OGT: variants seen among roughly 807,000 people sequenced by gnomAD.
OGT encodes the protein UDP-N-acetylglucosamine--peptide N-acetylglucosaminyltransferase 110 kDa subunit.
A neutral mutation model predicts 75.8 loss-of-function variants in OGT; 3 were observed. The ratio of observed to expected loss-of-function variants is 0.04; its 90% CI spans 0.02 to 0.10. The LOEUF (loss-of-function observed/expected upper bound fraction) is 0.10. Among genes scored for constraint, OGT ranks in the 10% least tolerant of loss-of-function variants. OGT has a pLI of 1.00. For synonymous variants in OGT, 257 were observed against 289.7 expected, an observed-to-expected ratio of 0.89 and a Z score of 1.15; for missense variants, 260 against 824.4, an observed-to-expected ratio of 0.32 and a Z score of 8.38.
chrX:71,567,413 G>A (rs189387702), intron 19 of OGT, 87 bp from the exon 20 acceptor site: 26 of 791,415 alleles, frequency 3.3e-5, no homozygotes, highest in Admixed American at 6.4e-5. Context: ...AGAATAGAGT[G>A]TGGTAGAATT....
chrX:71,554,481 C>G (rs770713558), intron 5 of OGT, 32 bp from the exon 6 acceptor site: 1 of 1,076,063 alleles, frequency 9.3e-7, no homozygotes, highest in Non-Finnish European at 1.3e-6. Context: ...TCCTAACTTG[C>G]TCTGAGTAAC....
chrX:71,573,750 C>G lies in OGT; in HGVS notation c.3097C>G (p.Pro1033Ala). ...MWEHYAAGNKPDHMIKPVEVT... is the reference protein window; with the variant it reads ...MWEHYAAGNKADHMIKPVEVT... ...GGAGCATTATGCAGCTGGCAACAAACCTGACCACATGATTAAGCCTGTTGA... is the reference window on the plus strand; with the variant it reads ...GGAGCATTATGCAGCTGGCAACAAAGCTGACCACATGATTAAGCCTGTTGA... Residue 1033 changes from proline to alanine, a missense_variant, in exon 22 of 22, where the codon CCT (proline) becomes GCT (alanine). Coordinates refer to ENST00000373719, the MANE Select transcript of OGT (RefSeq NM_181672.3). 1 of 1,208,430 alleles carries G rather than the reference C, an allele frequency of 8.3e-7. No homozygotes were observed. The highest frequency in any genetic ancestry group is 1.7e-5 in the African/African-American group (1 of 57,679).
At chrX:71,556,392 A>G in intron 8 of OGT, 1 of 366,251 alleles carries the variant, frequency 2.7e-6, no homozygotes, top group Non-Finnish European at 4.7e-6. Flanking sequence ...TGATGGCTGT[A>G]TGGTAGTGGT....
intron 3 of OGT, among the ~76,000 whole-genome samples, chrX:71,543,501 C>G (rs1326108605): frequency 9.0e-6 from 1 of 110,702 alleles, no homozygotes; most frequent in East Asian, 2.8e-4. Context: ...GCACTTAATA[C>G]TAATGAGTAA....
intron 5 of OGT, among the ~76,000 whole-genome samples, chrX:71,550,407 G>A (rs899904426): frequency 9.0e-6 from 1 of 110,659 alleles, no homozygotes; most frequent in African/African-American, 3.3e-5. Flanking sequence ...TTTTTGAGAT[G>A]AGGTCCTGCT....
At chrX:71,555,512 AG>A in intron 7 of OGT, 127 bp downstream of exon 7, 1 of 610,681 alleles carries the variant, frequency 1.6e-6, no homozygotes, top group Non-Finnish European at 2.5e-6. Flanking sequence ...GCTTGAGCTT[AG>A]GGTTTCGAGA....
intron 2 of OGT, 126 bp downstream of exon 2, chrX:71,536,484 T>C (rs2040176455): frequency 4.1e-6 from 2 of 493,717 alleles, no homozygotes; most frequent in African/African-American, 5.0e-5. Context: ...CCAACGCACA[T>C]CTGCTCTCTT....
intron 2 of OGT, chrX:71,536,962 GTTTTTT>G: frequency 1.6e-4 from 19 of 122,442 alleles, no homozygotes; most frequent in Non-Finnish European, 2.4e-4. Context: ...AATGTGGTGG[GTTTTTT>G]TTTTTTTTTT....
intron 4 of OGT, chrX:71,547,007 T>C (rs2040264405): frequency 1.5e-5 from 11 of 754,884 alleles, no homozygotes; most frequent in Non-Finnish European, 1.6e-5. Flanking sequence ...TGGTTGGCCG[T>C]TTGCTGCGTC....
chrX:71,557,936 A>G (rs185218647), intron 12 of OGT, among the ~76,000 whole-genome samples: 14 of 108,458 alleles, frequency 1.3e-4, no homozygotes, highest in African/African-American at 4.0e-4. Context: ...GAAAGCCATA[A>G]TTTTTTTTTC....
intron 5 of OGT, among the ~76,000 whole-genome samples, chrX:71,552,244 A>C (rs1282967406): frequency 9.1e-6 from 1 of 110,485 alleles, no homozygotes; most frequent in African/African-American, 3.3e-5. Flanking sequence ...ATAAATAATG[A>C]GTGACACTCC....
intron 7 of OGT, chrX:71,555,663 C>T: frequency 7.6e-6 from 3 of 397,003 alleles, no homozygotes; most frequent in Non-Finnish European, 1.3e-5. Flanking sequence ...GTTGAGGCTG[C>T]AGTGGGCCAT....
rs984739891 is a variant in OGT, at chrX:71,573,536, A to G, written c.2967-84A>G. 52 of 891,053 alleles carry G rather than the reference A, an allele frequency of 5.8e-5. No individual in the cohort carries two copies. In the African/African-American group the frequency reaches 8.5e-4, roughly 14 times the overall value. The allele number at this position is 891,053 out of a possible 1,213,427, so 73.4% of individuals were successfully genotyped here. ...AGAGTTTGGTCATGCATTTTTTGCC[A>G]CAAATGCGACTAGGTATTTATAGGG... On this transcript the variant is annotated intron_variant, in intron 21 of 21. Coordinates refer to ENST00000373719, the MANE Select transcript of OGT (RefSeq NM_181672.3).
At chrX:71,550,922 G>A (rs1399646429) in intron 5 of OGT, among the ~76,000 whole-genome samples, 1 of 111,040 alleles carries the variant, frequency 9.0e-6, no homozygotes, top group Non-Finnish European at 1.9e-5. Context: ...TGGGGAAAAG[G>A]GAGATATTGA....
chrX:71,547,120 T>G (rs751373490), intron 4 of OGT: 5 of 754,767 alleles, frequency 6.6e-6, no homozygotes, highest in Non-Finnish European at 7.8e-6. Flanking sequence ...GACCTCAACC[T>G]AGGTGCAATC....
chrX:71,573,373 A>T (rs989032330), intron 21 of OGT, among the ~76,000 whole-genome samples: 2 of 112,307 alleles, frequency 1.8e-5, no homozygotes, highest in Admixed American at 1.9e-4. Context: ...AACGCGTGGT[A>T]TCCCTTGGAT....
intron 5 of OGT, among the ~76,000 whole-genome samples, chrX:71,552,549 C>T (rs1263698341): frequency 2.7e-5 from 3 of 109,745 alleles, no homozygotes; most frequent in African/African-American, 6.6e-5. Context: ...CCATCATGCC[C>T]GGCTAGCTTT....
At position 71,574,419 on chromosome X, in the gene OGT, C is replaced by G. The variant is rs1487859056; in HGVS notation, c.*625C>G. 2 of 110,724 alleles carry G rather than the reference C, an allele frequency of 1.8e-5. No individual in the cohort carries two copies. Among genetic ancestry groups the G allele is most frequent in the Non-Finnish European group, 3.8e-5 (2 of 52,852 alleles). 9.1% of individuals were successfully genotyped at this position (110,724 alleles called of 1,213,427 possible). A position where few individuals can be genotyped will look rare whatever the true frequency, so the allele number is the denominator to read the frequency against. ...AGTGCTTTGTTGATTTAGATGATGA[C>G]TCAAGATTTTTTCTGGTCCATTTCC... On this transcript the variant is annotated 3_prime_UTR_variant, in exon 22 of 22. Transcript: ENST00000373719.
At chrX:71,534,274 A>T (rs2040158822) in intron 1 of OGT, 2 of 110,773 alleles carry the variant, frequency 1.8e-5, no homozygotes, top group Admixed American at 9.7e-5. Context: ...ATATTCTTTT[A>T]AGTTTCCATC....
Sources: gnomAD v4.1 joint callset for allele counts (sites outside exome capture counted in the v4.1 genomes callset) on GRCh38, gnomAD v4.1.1 for gene constraint, MANE v1.5 for transcripts, NCBI Gene and HGNC (gene_info 2026-07-23, HGNC 2026-07-21) for gene names.